The following ELOVL6 variants were observed in gnomAD, a reference collection of about 807,000 sequenced individuals.
ELOVL6 encodes ELOVL fatty acid elongase 6, also known as very long chain fatty acid elongase 6.
ELOVL6 carries 8 observed loss-of-function variants against 31.7 expected under a neutral mutation model. The ratio of observed to expected loss-of-function variants is 0.25; its 90% CI spans 0.15 to 0.45. The LOEUF is 0.45. ELOVL6 is among the 20% of genes least tolerant of loss of function. ELOVL6 has a pLI of 1.00. For synonymous variants in ELOVL6, 101 were observed against 117.7 expected (o/e 0.86, Z 0.92); for missense variants, 126 against 326.4 (o/e 0.39, Z 4.73).
At position 110,047,693 on chromosome 4, in the gene ELOVL6, C is replaced by T. The variant is rs1754729123; in HGVS notation, c.*3645G>A. On this transcript the variant is annotated 3_prime_UTR_variant, in exon 4 of 4. Transcript: ENST00000302274. ...TCCCCTGAGGTCAGGAGCTCGAGAC[C>T]AGCCTGGCCAACATGGTGAAACCCT... is the stretch of plus-strand genomic sequence containing the variant. The T allele has an allele frequency of 6.6e-6, 1 of 152,126 alleles. No homozygotes were observed. The highest frequency in any genetic ancestry group is 2.1e-4 in the South Asian group (1 of 4,824). 9.4% of individuals were successfully genotyped at this position (152,126 alleles called of 1,614,324 possible). A position where few individuals can be genotyped will look rare whatever the true frequency, so the allele number is the denominator to read the frequency against.
At position 110,148,498 on chromosome 4, in the gene ELOVL6, A is replaced by AG. The variant is rs201234472; in HGVS notation, c.90-42871dup. Among the ~76,000 whole-genome samples the AG allele has an allele frequency of 1.6e-3, 184 of 111,956 alleles. No individual in the cohort carries two copies. In the East Asian group the frequency reaches 0.021, roughly 13 times the overall value. 73.4% of individuals were successfully genotyped at this position (111,956 alleles called of 152,430 possible). On this transcript the variant is annotated intron_variant, in intron 1 of 3. Transcript: ENST00000302274. ...GGCCCAGAAGGGGGTTGTGCGGGGG[A>AG]GGGGGGGAGGTAGGAATGGTTAATG...
intron 2 of ELOVL6, among the ~76,000 whole-genome samples, chr4:110,088,528 C>G (rs72676997): frequency 4.6e-5 from 7 of 152,290 alleles, no homozygotes; most frequent in Non-Finnish European, 7.4e-5. Flanking sequence ...CTGTTTCCTT[C>G]TCGAAAATTT....
intron 2 of ELOVL6, among the ~76,000 whole-genome samples, chr4:110,094,394 C>T (rs1466927539): frequency 1.3e-5 from 1 of 74,746 alleles, no homozygotes; most frequent in Non-Finnish European, 2.6e-5. Flanking sequence ...TTCTATTTTA[C>T]TTAAAAAGAA....
intron 2 of ELOVL6, among the ~76,000 whole-genome samples, chr4:110,076,428 A>G (rs998001574): frequency 6.6e-6 from 1 of 152,358 alleles, no homozygotes; most frequent in African/African-American, 2.4e-5. Flanking sequence ...AATAGAACAC[A>G]CAGAGAAAAC....
intron 1 of ELOVL6, among the ~76,000 whole-genome samples, chr4:110,180,828 T>C (rs1199122855): frequency 6.6e-6 from 1 of 152,224 alleles, no homozygotes; most frequent in African/African-American, 2.4e-5. Context: ...GAGCTGTTTA[T>C]AGAGATTTTT....
chr4:110,124,448 C>G (rs1757437679), intron 1 of ELOVL6, among the ~76,000 whole-genome samples: 1 of 152,118 alleles, frequency 6.6e-6, no homozygotes, highest in Non-Finnish European at 1.5e-5. Context: ...AGCAAACTAA[C>G]ACAGGAACAG....
chr4:110,139,410 A>C (rs1243190009), intron 1 of ELOVL6, among the ~76,000 whole-genome samples: 1 of 152,098 alleles, frequency 6.6e-6, no homozygotes, highest in Non-Finnish European at 1.5e-5. Flanking sequence ...TCCTTCTCTT[A>C]TTTAAGTTTA....
rs1936127853 is a variant in ELOVL6 at position 110,049,051 on chromosome 4, T to C, written c.*2287A>G. The C allele has an allele frequency of 6.6e-6, 1 of 152,244 alleles. No individual in the cohort carries two copies. The highest frequency in any genetic ancestry group is 2.4e-5 in the African/African-American group (1 of 41,466). 9.4% of individuals were successfully genotyped at this position (152,244 alleles called of 1,614,324 possible). On this transcript the variant is annotated 3_prime_UTR_variant, in exon 4 of 4. Coordinates refer to ENST00000302274, the MANE Select transcript of ELOVL6 (RefSeq NM_024090.3). ...AACTGTTATGTGGCCTTCTCCTCAT[T>C]TTAATTATTCTCATTTTCTGTTATA...
intron 1 of ELOVL6, among the ~76,000 whole-genome samples, chr4:110,120,601 A>G (rs539611796): frequency 1.0e-3 from 152 of 152,242 alleles, no homozygotes; most frequent in Non-Finnish European, 1.9e-3. Flanking sequence ...CGAAATTAAA[A>G]TGTGTTTCAA....
At chr4:110,122,180 G>A (rs1404136601) in intron 1 of ELOVL6, among the ~76,000 whole-genome samples, 2 of 152,192 alleles carry the variant, frequency 1.3e-5, no homozygotes, top group Non-Finnish European at 2.9e-5. Flanking sequence ...GAGGACACAA[G>A]TGTGCAAGAC....
intron 2 of ELOVL6, among the ~76,000 whole-genome samples, chr4:110,084,589 T>TATA (rs1491219333): frequency 1.9e-3 from 48 of 25,622 alleles, no homozygotes; most frequent in African/African-American, 6.4e-3. Flanking sequence ...TATATATATA[T>TATA]TTTTTTTTTT....
chr4:110,139,275 C>G (rs1161321542), intron 1 of ELOVL6, among the ~76,000 whole-genome samples: 1 of 152,104 alleles, frequency 6.6e-6, no homozygotes, highest in Admixed American at 6.6e-5. Flanking sequence ...GAACTGAGCT[C>G]AATACATTTT....
At chr4:110,196,280 T>C (rs1759778574) in intron 1 of ELOVL6, among the ~76,000 whole-genome samples, 2 of 135,044 alleles carry the variant, frequency 1.5e-5, no homozygotes, top group South Asian at 4.6e-4. Flanking sequence ...AAGCAAATGC[T>C]GACCACACTG....
intron 1 of ELOVL6, among the ~76,000 whole-genome samples, chr4:110,179,058 A>G (rs1759198969): frequency 6.6e-6 from 1 of 152,044 alleles, no homozygotes. Context: ...GTATTTTTTT[A>G]TTTATCAAGA....
chr4:110,123,602 G>A (rs1429966781), intron 1 of ELOVL6, among the ~76,000 whole-genome samples: 2 of 152,166 alleles, frequency 1.3e-5, no homozygotes, highest in Non-Finnish European at 2.9e-5. Context: ...GAGGGACAGA[G>A]CACAGTGTTA....
At chr4:110,177,211 G>A (rs1287401453) in intron 1 of ELOVL6, among the ~76,000 whole-genome samples, 5 of 152,176 alleles carry the variant, frequency 3.3e-5, no homozygotes, top group African/African-American at 9.7e-5. Flanking sequence ...GCTAAGGCTG[G>A]AGGATTTCTT....
At chr4:110,065,922 T>A (rs1051127640) in intron 2 of ELOVL6, among the ~76,000 whole-genome samples, 54 of 152,222 alleles carry the variant, frequency 3.5e-4, no homozygotes, top group Non-Finnish European at 1.2e-4. Flanking sequence ...AAATGTAAGT[T>A]TTTTTGGAAT....
chr4:110,136,683 G>A (rs1757822565), intron 1 of ELOVL6, among the ~76,000 whole-genome samples: 1 of 152,184 alleles, frequency 6.6e-6, no homozygotes, highest in Non-Finnish European at 1.5e-5. Flanking sequence ...ACTGGTGCAA[G>A]GTGAGCCATG....
chr4:110,124,153 G>T (rs1247308941), intron 1 of ELOVL6, among the ~76,000 whole-genome samples: 1 of 152,166 alleles, frequency 6.6e-6, no homozygotes, highest in Non-Finnish European at 1.5e-5. Flanking sequence ...CATAAAGAAT[G>T]TGTTTAACCA....
Sources: allele counts gnomAD v4.1 joint callset (sites outside exome capture counted in the v4.1 genomes callset), GRCh38; gene constraint gnomAD v4.1.1; transcripts MANE v1.5; gene names NCBI Gene and HGNC (gene_info 2026-07-23, HGNC 2026-07-21).